Variants in CD2AP observed in about 807,000 individuals in gnomAD.
CD2AP encodes CD2 associated protein.
CD2AP carries 46 observed loss-of-function variants against 85.1 expected under a neutral mutation model. The ratio of observed to expected loss-of-function variants is 0.54; its 90% CI spans 0.43 to 0.69. The LOEUF is 0.69. Among genes scored for constraint, CD2AP ranks in the 30% least tolerant of loss-of-function variants. CD2AP has a pLI of 0.00. For synonymous variants in CD2AP, 255 were observed against 252.9 expected, an observed-to-expected ratio of 1.01 and a Z score of -0.08; for missense variants, 769 against 729.5, an observed-to-expected ratio of 1.05 and a Z score of -0.62.
intron 17 of CD2AP, among the ~76,000 whole-genome samples, chr6:47,616,746 A>C (rs1298575214): frequency 6.6e-6 from 1 of 152,184 alleles, no homozygotes; most frequent in Non-Finnish European, 1.5e-5. Context: ...TCTTAAAAAA[A>C]GTCTACTTTT....
intron 11 of CD2AP, among the ~76,000 whole-genome samples, chr6:47,594,213 G>C (rs944397542): frequency 6.6e-6 from 1 of 151,966 alleles, no homozygotes; most frequent in African/African-American, 2.4e-5. Flanking sequence ...GCGTAACATC[G>C]TGAATGTACT....
Position 47,627,093 on chromosome 6 carries a change from G to A in CD2AP, c.*2866G>A, listed in dbSNP as rs1769928209. The A allele has an allele frequency of 6.6e-6, 1 of 152,324 alleles. No homozygotes were observed. The highest frequency in any genetic ancestry group is 2.4e-5 in the African/African-American group (1 of 41,414). The allele number at this position is 152,324 out of a possible 1,614,324, so 9.4% of individuals were successfully genotyped here. ...TTGTTTACAGGTGCTGTATTTAAAA[G>A]CATGCTTCTCTCTCAAAAAGAAAAA... On this transcript the variant is annotated 3_prime_UTR_variant, in exon 18 of 18. Transcript: ENST00000359314.
chr6:47,613,954 A>G (rs1769513328), intron 17 of CD2AP, among the ~76,000 whole-genome samples: 1 of 152,184 alleles, frequency 6.6e-6, no homozygotes, highest in African/African-American at 2.4e-5. Flanking sequence ...CTTAAACCAC[A>G]TGAACCAGCC....
At chr6:47,576,760 G>A (rs1329308510) in intron 7 of CD2AP, among the ~76,000 whole-genome samples, 158 bp downstream of exon 7, 1 of 152,126 alleles carries the variant, frequency 6.6e-6, no homozygotes, top group African/African-American at 2.4e-5. Flanking sequence ...ATACTTTGTT[G>A]GTTGATGGAT....
intron 3 of CD2AP, among the ~76,000 whole-genome samples, chr6:47,542,194 C>T (rs1050014380): frequency 6.6e-6 from 1 of 152,100 alleles, no homozygotes; most frequent in African/African-American, 2.4e-5. Context: ...AGTTTTATCA[C>T]TAATTTTTTT....
chr6:47,502,682 T>C (rs925004274), intron 1 of CD2AP, among the ~76,000 whole-genome samples: 2 of 151,966 alleles, frequency 1.3e-5, no homozygotes, highest in Non-Finnish European at 1.5e-5. Flanking sequence ...TTAGTAGAGA[T>C]GGGGTTTCAC....
chr6:47,589,517 TAC>T (rs200038619), intron 11 of CD2AP, among the ~76,000 whole-genome samples: 2 of 131,170 alleles, frequency 1.5e-5, no homozygotes, highest in East Asian at 2.1e-4. Flanking sequence ...CATACGTATG[TAC>T]ACACATATAT....
At chr6:47,608,524 T>C (rs561627624) in intron 15 of CD2AP, among the ~76,000 whole-genome samples, 1 of 152,204 alleles carries the variant, frequency 6.6e-6, no homozygotes, top group Non-Finnish European at 1.5e-5. Context: ...GAAGGTCATT[T>C]AGGTTTCCTC....
At chr6:47,537,807 T>C (rs1480397379) in intron 3 of CD2AP, among the ~76,000 whole-genome samples, 2 of 152,068 alleles carry the variant, frequency 1.3e-5, no homozygotes, top group African/African-American at 4.8e-5. Flanking sequence ...TTTTTTTTTT[T>C]TTTGGATACA....
At chr6:47,512,274 G>A (rs927678318) in intron 2 of CD2AP, among the ~76,000 whole-genome samples, 1 of 152,076 alleles carries the variant, frequency 6.6e-6, no homozygotes, top group African/African-American at 2.4e-5. Context: ...CGTGGGAGGC[G>A]GAGGTTGCAG....
At chr6:47,480,808 A>G (rs1393951243) in intron 1 of CD2AP, among the ~76,000 whole-genome samples, 1 of 152,228 alleles carries the variant, frequency 6.6e-6, no homozygotes, top group African/African-American at 2.4e-5. Flanking sequence ...GAGGGATGAG[A>G]TGATTTTGCA....
At chr6:47,483,444 AG>A (rs1422656845) in intron 1 of CD2AP, among the ~76,000 whole-genome samples, 2 of 152,202 alleles carry the variant, frequency 1.3e-5, no homozygotes, top group Admixed American at 6.5e-5. Context: ...GGGGTCTGGC[AG>A]TAGGCCTTGA....
At chr6:47,512,507 A>G (rs933333459) in intron 2 of CD2AP, among the ~76,000 whole-genome samples, 3 of 152,238 alleles carry the variant, frequency 2.0e-5, no homozygotes, top group Admixed American at 1.3e-4. Flanking sequence ...ATGAATAGAA[A>G]TGCTGAATTG....
intron 1 of CD2AP, among the ~76,000 whole-genome samples, chr6:47,497,374 T>C (rs983760596): frequency 2.3e-5 from 3 of 128,404 alleles, no homozygotes; most frequent in South Asian, 2.9e-4. Flanking sequence ...CTTCCCCTTC[T>C]CCTTCCCTGT....
rs758611676 is a variant in CD2AP at position 47,611,069 on chromosome 6, G to GT, written c.1815-1391dup. Among the ~76,000 whole-genome samples, 675 of 134,748 alleles carry GT rather than the reference G, an allele frequency of 5.0e-3. 3 individuals are homozygous for GT. The highest frequency in any genetic ancestry group is 0.014 in the African/African-American group (510 of 36,864). 88.4% of individuals were successfully genotyped at this position (134,748 alleles called of 152,430 possible). A position where few individuals can be genotyped will look rare whatever the true frequency, so the allele number is the denominator to read the frequency against. The stretch of plus-strand genomic sequence containing the variant: ...CTGGCAAAGTGAAACTGAATGGCAG[G>GT]TTTTTTTTTTTTTAATATCTAAAAA... On this transcript the variant is annotated intron_variant, in intron 16 of 17. Transcript: ENST00000359314.
chr6:47,488,830 A>G (rs1320964233), intron 1 of CD2AP, among the ~76,000 whole-genome samples: 1 of 151,984 alleles, frequency 6.6e-6, no homozygotes, highest in East Asian at 1.9e-4. Context: ...GGTCGAGGCT[A>G]CAGCGAGCCA....
At chr6:47,622,645 G>T (rs1055201293) in intron 17 of CD2AP, among the ~76,000 whole-genome samples, 1 of 152,138 alleles carries the variant, frequency 6.6e-6, no homozygotes, top group Admixed American at 6.5e-5. Flanking sequence ...GGAGAGGAGG[G>T]TCTCCCTTTC....
chr6:47,563,673 AG>A (rs1468218256), intron 5 of CD2AP, among the ~76,000 whole-genome samples: 1 of 152,202 alleles, frequency 6.6e-6, no homozygotes, highest in African/African-American at 2.4e-5. Flanking sequence ...AGCCTTTCAA[AG>A]GAGTTAATTT....
At chr6:47,489,942 T>C (rs1055268863) in intron 1 of CD2AP, among the ~76,000 whole-genome samples, 4 of 151,270 alleles carry the variant, frequency 2.6e-5, no homozygotes, top group Non-Finnish European at 5.9e-5. Context: ...GGTATTCGTT[T>C]GAGTAACTAT....
Sources: allele counts gnomAD v4.1 joint callset (sites outside exome capture counted in the v4.1 genomes callset), GRCh38; gene constraint gnomAD v4.1.1; transcripts MANE v1.5; gene names NCBI Gene and HGNC (gene_info 2026-07-23, HGNC 2026-07-21).